GOLGA7B: variants seen among roughly 807,000 people sequenced by gnomAD.
GOLGA7B encodes golgin subfamily A member 7B.
Under a neutral mutation model 21.5 loss-of-function variants are expected in GOLGA7B, and 17 were observed. That is an observed-to-expected ratio of 0.79 (90% CI 0.54 to 1.19). GOLGA7B has a LOEUF of 1.19. GOLGA7B is among the 50% of genes most tolerant of loss of function. The pLI is 0.00. For synonymous variants in GOLGA7B, 87 were observed against 84.0 expected, an observed-to-expected ratio of 1.04 and a Z score of -0.19; for missense variants, 169 against 224.4, an observed-to-expected ratio of 0.75 and a Z score of 1.58.
In GOLGA7B at chr10:97,870,406, C is replaced by A. The variant is rs962897486; in HGVS notation, c.*4706C>A. ...ATGAAACTGAAAGACAGGCCAAACT[C>A]GCCTTTGATTGGGAGTCAGGATCAA... On this transcript the variant is annotated 3_prime_UTR_variant, in exon 5 of 5. Coordinates refer to ENST00000370602, the MANE Select transcript of GOLGA7B (RefSeq NM_001010917.3). 1 of 152,120 alleles carries A rather than the reference C, an allele frequency of 6.6e-6. No individual in the cohort carries two copies. The highest frequency in any genetic ancestry group is 6.5e-5 in the Admixed American group (1 of 15,268). 9.4% of individuals were successfully genotyped at this position (152,120 alleles called of 1,614,324 possible). A position where few individuals can be genotyped will look rare whatever the true frequency, so the allele number is the denominator to read the frequency against.
At chr10:97,850,860 GTTT>G (rs564025755) in intron 1 of GOLGA7B, among the ~76,000 whole-genome samples, 1 of 137,928 alleles carries the variant, frequency 7.3e-6, no homozygotes, top group African/African-American at 2.7e-5. Flanking sequence ...CCCCATTCGA[GTTT>G]TTTTTTTTTT....
Position 97,859,463 on chromosome 10 carries a change from C to T in GOLGA7B, c.18C>T (p.His6=), listed in dbSNP as rs757688740. 1.9e-6 allele frequency: 3 copies of T among 1,613,940 alleles called. No homozygotes were observed. The highest frequency in any genetic ancestry group is 1.3e-5 in the African/African-American group (1 of 74,920). The change falls in exon 2 of 5, where the codon CAC becomes CAT. Residue 6 remains histidine, a synonymous_variant. Transcript: ENST00000370602. ...CCGCCCGCACGTCTCCTCAGGTCCA[C>T]AATCTGCAGGAGCTCCGGCGAAGTG... is the stretch of plus-strand genomic sequence containing the variant. MATEV[H]NLQELRRSAS...
chr10:97,858,086 G>A (rs58942044), intron 1 of GOLGA7B, among the ~76,000 whole-genome samples: 2,490 of 152,140 alleles, frequency 0.016, 57 homozygotes, highest in African/African-American at 0.044. Flanking sequence ...GTCACTTTGC[G>A]CAAGCTTCTC....
chr10:97,864,235 T>C lies in GOLGA7B; in HGVS notation c.359T>C (p.Leu120Pro). The change falls in exon 4 of 5, where the codon CTA becomes CCA. Residue 120 changes from leucine (L) to proline (P), a missense_variant. Transcript: ENST00000370602. ...AAGATCTTTGCACCTCGAGGCCTCC[T>C]ACTTACAGACCCTGTGGAGCGTGGG... ...NEKIFAPRGL[L>P]LTDPVERGMR... 6.2e-7 allele frequency: 1 copy of C among 1,613,994 alleles called. No individual in the cohort carries two copies. Among genetic ancestry groups the C allele is most frequent in the Non-Finnish European group, 8.5e-7 (1 of 1,179,834 alleles).
In GOLGA7B at chr10:97,865,681, G is replaced by GT. The variant is rs2050013039; in HGVS notation, c.486dup (p.Gly163TrpfsTer13). On this transcript the variant is annotated frameshift_variant, in exon 5 of 5. Coordinates refer to ENST00000370602, the MANE Select transcript of GOLGA7B (RefSeq NM_001010917.3). LOFTEE classifies it high-confidence loss of function. Reference sequence around the variant, plus strand: ...AGTGGCAGCAGCAGCGGTGGGGGTGGTGGGGCGGGGGCCCGGTGACTGGCC... The same window carrying GT: ...AGTGGCAGCAGCAGCGGTGGGGGTGGTTGGGGCGGGGGCCCGGTGACTGGCC... 1 of 1,607,626 alleles carries GT rather than the reference G, an allele frequency of 6.2e-7. No homozygotes were observed. The highest frequency in any genetic ancestry group is 1.3e-5 in the African/African-American group (1 of 74,800).
rs1263322414 is a variant in GOLGA7B, at chr10:97,866,687, T to A, written c.*987T>A. The A allele has an allele frequency of 6.6e-6, 1 of 152,256 alleles. No individual in the cohort carries two copies. The allele number at this position is 152,256 out of a possible 1,614,324, so 9.4% of individuals were successfully genotyped here. A position where few individuals can be genotyped will look rare whatever the true frequency, so the allele number is the denominator to read the frequency against. ...ATTTATAAGCACACCTGTGTGTGTCTGAGTACATGTGCACACACGTGTGCA... is the reference window on the plus strand; with the variant it reads ...ATTTATAAGCACACCTGTGTGTGTCAGAGTACATGTGCACACACGTGTGCA... On this transcript the variant is annotated 3_prime_UTR_variant, in exon 5 of 5. Transcript: ENST00000370602.
At chr10:97,862,405 A>G (rs1232269267) in intron 2 of GOLGA7B, among the ~76,000 whole-genome samples, 2 of 152,228 alleles carry the variant, frequency 1.3e-5, no homozygotes, top group African/African-American at 4.8e-5. Context: ...GTTGACTGGG[A>G]GTCTTCTGTT....
intron 1 of GOLGA7B, among the ~76,000 whole-genome samples, chr10:97,851,008 G>C (rs1326240092): frequency 6.6e-6 from 1 of 151,978 alleles, no homozygotes; most frequent in African/African-American, 2.4e-5. Flanking sequence ...GCAGAATCTT[G>C]GTATAATGCT....
chr10:97,850,864 T>G (rs1227387663), intron 1 of GOLGA7B, among the ~76,000 whole-genome samples: 2 of 151,728 alleles, frequency 1.3e-5, no homozygotes, highest in African/African-American at 2.4e-5. Flanking sequence ...ATTCGAGTTT[T>G]TTTTTTTTTT....
chr10:97,864,058 C>T lies in GOLGA7B; in HGVS notation c.267C>T (p.Leu89=). 1 of 1,614,128 alleles carries T rather than the reference C, an allele frequency of 6.2e-7. No individual in the cohort carries two copies. Among genetic ancestry groups the T allele is most frequent in the Non-Finnish European group, 8.5e-7 (1 of 1,179,976 alleles). The change falls in exon 3 of 5, where the codon CTC becomes CTT. Residue 89 remains leucine (L), a synonymous_variant. Coordinates refer to ENST00000370602, the MANE Select transcript of GOLGA7B (RefSeq NM_001010917.3). ...LACATAYFIF[L]CMETHYEKVL... is the part of the protein sequence containing the mutation. ...GCGCCACGGCCTACTTCATCTTCCT[C>T]TGCATGGAGACCCACTATGAGAAGG...
Position 97,863,933 on chromosome 10 carries a change from G to A in GOLGA7B, c.142G>A (p.Glu48Lys). Reference protein sequence around the residue: ...KFPPELDSRIERQLFEETVKT... With the variant: ...KFPPELDSRIKRQLFEETVKT... ...CTGGCTCTGTCCCTTTCTCCAGATC[G>A]AGCGGCAGCTCTTTGAAGAGACTGT... is the stretch of plus-strand genomic sequence containing the variant. The change falls in exon 3 of 5, where the codon GAG (glutamate) becomes AAG (lysine). Residue 48 changes from glutamate to lysine, a missense_variant. Glu to Lys is a moderately conservative substitution (Grantham distance 56). Coordinates refer to ENST00000370602, the MANE Select transcript of GOLGA7B (RefSeq NM_001010917.3). 10 of 1,611,462 alleles carry A rather than the reference G, an allele frequency of 6.2e-6. No individual in the cohort carries two copies. The highest frequency in any genetic ancestry group is 8.5e-6 in the Non-Finnish European group (10 of 1,178,534).
Position 97,864,288 on chromosome 10 carries a change from C to G in GOLGA7B, c.393+19C>G, listed in dbSNP as rs772437687. 1.9e-6 allele frequency: 3 copies of G among 1,599,672 alleles called. No homozygotes were observed. Among genetic ancestry groups the G allele is most frequent in the South Asian group, 2.2e-5 (2 of 90,746 alleles). ...GAGGGTTGTATCCTTCTGGGCTATTCTGTGTTGAGGGCACAGGACTGCTAA... is the reference window on the plus strand; with the variant it reads ...GAGGGTTGTATCCTTCTGGGCTATTGTGTGTTGAGGGCACAGGACTGCTAA... On this transcript the variant is annotated intron_variant, in intron 4 of 4. Transcript: ENST00000370602.
In GOLGA7B at chr10:97,865,825, G is replaced by A. The variant is rs1196728074; in HGVS notation, c.*125G>A. On this transcript the variant is annotated 3_prime_UTR_variant, in exon 5 of 5. Transcript: ENST00000370602. ...TGGGCTCACCCTGCTGCCCGGGGTGGGAGGGAGGGTGACGGGCCTCATATT... is the reference window on the plus strand; with the variant it reads ...TGGGCTCACCCTGCTGCCCGGGGTGAGAGGGAGGGTGACGGGCCTCATATT... 4.1e-6 allele frequency: 5 copies of A among 1,217,898 alleles called. No individual in the cohort carries two copies. Among genetic ancestry groups the A allele is most frequent in the Non-Finnish European group, 5.5e-6 (5 of 906,322 alleles). The allele number at this position is 1,217,898 out of a possible 1,614,324, so 75.4% of individuals were successfully genotyped here.
rs55882730 is a variant in GOLGA7B at position 97,870,733 on chromosome 10, C to CGTGTGTGT, written c.*5049_*5056dup. On this transcript the variant is annotated 3_prime_UTR_variant, in exon 5 of 5. Transcript: ENST00000370602. Reference sequence around the variant, plus strand: ...AACAGACAACTGCAACTCTATGTTACGTGTGTGTGTGTGTGTGTGTGTGAA... The same window carrying CGTGTGTGT: ...AACAGACAACTGCAACTCTATGTTACGTGTGTGTGTGTGTGTGTGTGTGTGTGTGTGAA... 6.7e-6 allele frequency: 1 copy of CGTGTGTGT among 150,018 alleles called. No individual in the cohort carries two copies. The highest frequency in any genetic ancestry group is 1.5e-5 in the Non-Finnish European group (1 of 67,422). 9.3% of individuals were successfully genotyped at this position (150,018 alleles called of 1,614,324 possible).
chr10:97,860,508 C>A (rs2049963993), intron 2 of GOLGA7B, among the ~76,000 whole-genome samples: 1 of 152,060 alleles, frequency 6.6e-6, no homozygotes, highest in Non-Finnish European at 1.5e-5. Context: ...CGTGCCACTA[C>A]TCCTGGCTAA....
At chr10:97,854,564 C>G (rs929624585) in intron 1 of GOLGA7B, among the ~76,000 whole-genome samples, 1 of 152,190 alleles carries the variant, frequency 6.6e-6, no homozygotes, top group Admixed American at 6.5e-5. Context: ...AGCAACTCCT[C>G]AGAGTTGCTC....
In GOLGA7B at chr10:97,867,262, A is replaced by T. The variant is rs2050038780; in HGVS notation, c.*1562A>T. ...TGCAAGGAAAGGAGATGTCCAGCCA[A>T]TGATGCCCGGCTTCTGAGGCCCAGA... On this transcript the variant is annotated 3_prime_UTR_variant, in exon 5 of 5. Transcript: ENST00000370602. 1.3e-5 allele frequency: 2 copies of T among 152,364 alleles called. No homozygotes were observed. The highest frequency in any genetic ancestry group is 4.8e-5 in the African/African-American group (2 of 41,458). 9.4% of individuals were successfully genotyped at this position (152,364 alleles called of 1,614,324 possible).
chr10:97,858,443 G>T (rs905600790), intron 1 of GOLGA7B, among the ~76,000 whole-genome samples: 1 of 152,144 alleles, frequency 6.6e-6, no homozygotes, highest in South Asian at 2.1e-4. Flanking sequence ...TGGTCTCCAC[G>T]TGTTCTCAGT....
intron 1 of GOLGA7B, among the ~76,000 whole-genome samples, chr10:97,856,470 C>G (rs1433747997): frequency 1.3e-5 from 2 of 152,124 alleles, no homozygotes; most frequent in Non-Finnish European, 2.9e-5. Context: ...TTTTCTTTAT[C>G]CAGTCAAGTG....
Sources: gnomAD v4.1 joint callset for allele counts (sites outside exome capture counted in the v4.1 genomes callset) on GRCh38, gnomAD v4.1.1 for gene constraint, MANE v1.5 for transcripts, NCBI Gene and HGNC (gene_info 2026-07-23, HGNC 2026-07-21) for gene names.